Variants in PCYOX1 observed in about 807,000 individuals in gnomAD.
The protein encoded by PCYOX1 is prenylcysteine oxidase 1, also known as prenylcysteine lyase.
Under a neutral mutation model 46.4 loss-of-function variants are expected in PCYOX1, and 46 were observed. The observed-to-expected ratio is 0.99, with a 90% CI of 0.78 to 1.27. PCYOX1 has a LOEUF of 1.27. Ranked by LOEUF, PCYOX1 falls within the 50% of genes most tolerant of loss-of-function variation. PCYOX1 has a pLI of 0.00. For missense variants in PCYOX1, 658 were observed against 628.3 expected (o/e 1.05, Z -0.51); for synonymous variants, 220 against 231.8 (o/e 0.95, Z 0.46).
chr2:70,280,581 G>A lies in PCYOX1; in HGVS notation c.*3189G>A, dbSNP rs540304551. 1 of 152,260 alleles carries A rather than the reference G, an allele frequency of 6.6e-6. No individual in the cohort carries two copies. Among genetic ancestry groups the A allele is most frequent in the South Asian group, 2.1e-4 (1 of 4,820 alleles). 9.4% of individuals were successfully genotyped at this position (152,260 alleles called of 1,614,324 possible). Reference sequence around the variant, plus strand: ...CAGTGATGCTGCTGTTCTACTATAGGAACCACACTTGAAGAACTAGTTCTA... The same window carrying A: ...CAGTGATGCTGCTGTTCTACTATAGAAACCACACTTGAAGAACTAGTTCTA... On this transcript the variant is annotated 3_prime_UTR_variant, in exon 6 of 6. Coordinates refer to ENST00000433351, the MANE Select transcript of PCYOX1 (RefSeq NM_016297.4).
intron 3 of PCYOX1, among the ~76,000 whole-genome samples, chr2:70,271,344 G>C (rs1696598212): frequency 6.8e-6 from 1 of 147,660 alleles, no homozygotes; most frequent in Non-Finnish European, 1.5e-5. Context: ...CTTTAACATA[G>C]CTACTGCGCT....
intron 3 of PCYOX1, among the ~76,000 whole-genome samples, chr2:70,267,189 C>T (rs1022160410): frequency 7.3e-5 from 11 of 151,370 alleles, no homozygotes; most frequent in South Asian, 2.1e-4. Context: ...ACATCTCAGA[C>T]GGGGCGGCGG....
chr2:70,272,615 A>G (rs1696617439), intron 3 of PCYOX1, among the ~76,000 whole-genome samples: 1 of 152,078 alleles, frequency 6.6e-6, no homozygotes, highest in Non-Finnish European at 1.5e-5. Context: ...CTCCCACCTC[A>G]GCCTCTTGAG....
intron 3 of PCYOX1, among the ~76,000 whole-genome samples, chr2:70,267,136 C>G (rs1231519136): frequency 6.6e-6 from 1 of 151,846 alleles, no homozygotes. Context: ...AGAGACACTC[C>G]TCAGTTCCCA....
At chr2:70,271,385 C>T (rs1696598568) in intron 3 of PCYOX1, among the ~76,000 whole-genome samples, 1 of 151,008 alleles carries the variant, frequency 6.6e-6, no homozygotes, top group African/African-American at 2.4e-5. Context: ...GTCATTACTA[C>T]AAATTACTTG....
intron 3 of PCYOX1, among the ~76,000 whole-genome samples, chr2:70,262,624 T>C (rs1473813781): frequency 6.6e-6 from 1 of 151,648 alleles, no homozygotes; most frequent in Non-Finnish European, 1.5e-5. Flanking sequence ...GGATTACAGG[T>C]GCCTGCCACT....
At chr2:70,270,343 T>G (rs886178000) in intron 3 of PCYOX1, among the ~76,000 whole-genome samples, 5 of 152,162 alleles carry the variant, frequency 3.3e-5, no homozygotes, top group Admixed American at 3.3e-4. Context: ...AGGCTTTGGT[T>G]TATCTGCAGA....
At chr2:70,269,818 A>G (rs1696576850) in intron 3 of PCYOX1, among the ~76,000 whole-genome samples, 1 of 152,118 alleles carries the variant, frequency 6.6e-6, no homozygotes, top group Non-Finnish European at 1.5e-5. Context: ...AGCCTTCAGG[A>G]TAGAGCTTTT....
At position 70,261,387 on chromosome 2, in the gene PCYOX1, G is replaced by C; in HGVS notation, c.494+1G>C. ...AGGACGTGTTAGACAAGTTCATGAG[G>C]TAATTTTTTTTCCTTCCATTTAACC... On this transcript the variant is annotated splice_donor_variant, in intron 3 of 5. Transcript: ENST00000433351. LOFTEE classifies it high-confidence loss of function. The C allele has an allele frequency of 5.6e-6, 9 of 1,595,616 alleles. No individual in the cohort carries two copies. The highest frequency in any genetic ancestry group is 7.7e-6 in the Non-Finnish European group (9 of 1,168,252).
In PCYOX1 at chr2:70,263,230, T is replaced by TAA. The variant is rs200696905; in HGVS notation, c.494+1857_494+1858dup. Among the ~76,000 whole-genome samples the TAA allele has an allele frequency of 2.1e-3, 299 of 142,642 alleles. 4 individuals are homozygous for TAA. The East Asian group carries it at 0.039, about 18-fold the overall frequency. The allele number at this position is 142,642 out of a possible 152,430, so 93.6% of individuals were successfully genotyped here. ...GCCTGGGGGACAGAGCCAGACTGTC[T>TAA]AAAAAAAAAAAAAAGAAAGCTAAGC... is the stretch of plus-strand genomic sequence containing the variant. On this transcript the variant is annotated intron_variant, in intron 3 of 5. Coordinates refer to ENST00000433351, the MANE Select transcript of PCYOX1 (RefSeq NM_016297.4).
intron 3 of PCYOX1, among the ~76,000 whole-genome samples, chr2:70,262,579 A>G (rs541401908): frequency 6.7e-6 from 1 of 148,254 alleles, no homozygotes; most frequent in Non-Finnish European, 1.5e-5. Context: ...TCCCTGGTTC[A>G]AGCGATTCTC....
intron 3 of PCYOX1, among the ~76,000 whole-genome samples, chr2:70,274,528 C>T (rs1696642746): frequency 6.8e-6 from 1 of 146,578 alleles, no homozygotes; most frequent in South Asian, 2.2e-4. Context: ...CCTTTTTCTT[C>T]TTCTTTCTTT....
rs141937217 is a variant in PCYOX1, at chr2:70,275,744, A to G, written c.859+78A>G. ...CAGGGAGAAACACTTCTCTTCTGTCATCTCTTACTCAGTTCTAAAATGATG... is the reference window on the plus strand; with the variant it reads ...CAGGGAGAAACACTTCTCTTCTGTCGTCTCTTACTCAGTTCTAAAATGATG... On this transcript the variant is annotated intron_variant, in intron 5 of 5. Coordinates refer to ENST00000433351, the MANE Select transcript of PCYOX1 (RefSeq NM_016297.4). 1.2e-4 allele frequency: 152 copies of G among 1,288,286 alleles called. No homozygotes were observed. In the African/African-American group the frequency reaches 1.9e-3, roughly 16 times the overall value. The allele number at this position is 1,288,286 out of a possible 1,614,324, so 79.8% of individuals were successfully genotyped here.
At chr2:70,263,961 C>CTTTTCT (rs1553473293) in intron 3 of PCYOX1, among the ~76,000 whole-genome samples, 1 of 112,326 alleles carries the variant, frequency 8.9e-6, no homozygotes, top group Non-Finnish European at 1.8e-5. Context: ...GCCCGGCCCT[C>CTTTTCT]TTTTTTTTTT....
At chr2:70,264,141 T>G (rs1696480483) in intron 3 of PCYOX1, among the ~76,000 whole-genome samples, 1 of 151,810 alleles carries the variant, frequency 6.6e-6, no homozygotes, top group Non-Finnish European at 1.5e-5. Context: ...TTTTGTATTT[T>G]TTTTGTAGAG....
At chr2:70,274,082 A>G (rs1467282150) in intron 3 of PCYOX1, among the ~76,000 whole-genome samples, 1 of 152,196 alleles carries the variant, frequency 6.6e-6, no homozygotes, top group Non-Finnish European at 1.5e-5. Flanking sequence ...TGAATGGGTC[A>G]GGTGTGCTCC....
chr2:70,263,561 A>G (rs1696470019), intron 3 of PCYOX1, among the ~76,000 whole-genome samples: 1 of 152,194 alleles, frequency 6.6e-6, no homozygotes, highest in East Asian at 1.9e-4. Context: ...AGAGACGGCC[A>G]GTCACTTTAT....
chr2:70,264,255 G>A (rs1696482373), intron 3 of PCYOX1, among the ~76,000 whole-genome samples: 1 of 150,568 alleles, frequency 6.6e-6, no homozygotes, highest in Admixed American at 6.6e-5. Context: ...GTGAGCTCCT[G>A]TTCCCAGCCT....
chr2:70,261,105 TATGTG>T (rs1188564222), intron 2 of PCYOX1, 102 bp from the exon 3 acceptor site: 1 of 658,714 alleles, frequency 1.5e-6, no homozygotes, highest in Non-Finnish European at 2.6e-6. Context: ...AGAGCTCCTT[TATGTG>T]TCTCCTGAGA....
Sources: gnomAD v4.1 joint callset for allele counts (sites outside exome capture counted in the v4.1 genomes callset) on GRCh38, gnomAD v4.1.1 for gene constraint, MANE v1.5 for transcripts, NCBI Gene and HGNC (gene_info 2026-07-23, HGNC 2026-07-21) for gene names.